The following EPB41L4A variants were observed in gnomAD, a reference collection of about 807,000 sequenced individuals.
EPB41L4A encodes band 4.1-like protein 4A.
A neutral mutation model predicts 108.6 loss-of-function variants in EPB41L4A; 100 were observed. That is an observed-to-expected ratio of 0.92 (90% CI 0.78 to 1.09). The LOEUF is 1.09. Ranked by LOEUF, EPB41L4A falls within the 50% of genes least tolerant of loss-of-function variation. The pLI is 0.00. For missense variants in EPB41L4A, 1,030 were observed against 842.7 expected (o/e 1.22, Z -2.75); for synonymous variants, 319 against 289.0 (o/e 1.10, Z -1.05).
rs905005969 is a variant in EPB41L4A at position 112,259,127 on chromosome 5, G to T, written c.795+102C>A. 23 of 884,094 alleles carry T rather than the reference G, an allele frequency of 2.6e-5. No homozygotes were observed. In the African/African-American group the frequency reaches 3.7e-4, roughly 14 times the overall value. The allele number at this position is 884,094 out of a possible 1,614,324, so 54.8% of individuals were successfully genotyped here. ...TGAGTTAATTAACCTGGTTCCATGT[G>T]GAAGCAGCTGAAGAAAACATTTCTT... On this transcript the variant is annotated intron_variant, in intron 9 of 22. Transcript: ENST00000261486.
intron 1 of EPB41L4A, among the ~76,000 whole-genome samples, chr5:112,340,326 C>T (rs1218525020): frequency 6.6e-6 from 1 of 152,162 alleles, no homozygotes; most frequent in South Asian, 2.1e-4. Flanking sequence ...AGGCTCCACC[C>T]CCGGAGCTCC....
At chr5:112,387,544 G>A (rs547954513) in intron 1 of EPB41L4A, among the ~76,000 whole-genome samples, 2 of 152,328 alleles carry the variant, frequency 1.3e-5, no homozygotes, top group South Asian at 2.1e-4. Flanking sequence ...CAGGAGAATG[G>A]CGTCAACCTG....
In EPB41L4A at chr5:112,229,717, G is replaced by A. The variant is rs890196246; in HGVS notation, c.1087+4917C>T. 5.9e-5 allele frequency among the ~76,000 whole-genome samples: 9 copies of A among 152,068 alleles called. No homozygotes were observed. The East Asian group carries it at 7.7e-4, about 13-fold the overall frequency. ...GAGTAACGGTCTCCAGGCCAGGCAC[G>A]GTGGCTCACACCTGTAATCCCAGCA... On this transcript the variant is annotated intron_variant, in intron 12 of 22. Coordinates refer to ENST00000261486, the MANE Select transcript of EPB41L4A (RefSeq NM_022140.5).
chr5:112,331,691 T>C (rs1427772067), intron 1 of EPB41L4A, among the ~76,000 whole-genome samples: 4 of 152,156 alleles, frequency 2.6e-5, no homozygotes, highest in Admixed American at 2.6e-4. Context: ...TGACACTGTA[T>C]AAGCAGGATG....
chr5:112,397,780 C>A (rs529831988), intron 1 of EPB41L4A, among the ~76,000 whole-genome samples: 2 of 151,946 alleles, frequency 1.3e-5, no homozygotes, highest in Non-Finnish European at 1.5e-5. Context: ...ATTATTATTC[C>A]CCATTTTTTA....
chr5:112,340,331 A>G (rs1235389425), intron 1 of EPB41L4A, among the ~76,000 whole-genome samples: 1 of 152,162 alleles, frequency 6.6e-6, no homozygotes. Flanking sequence ...CCACCCCCGG[A>G]GCTCCTAATT....
At chr5:112,370,129 A>G (rs1190390465) in intron 1 of EPB41L4A, among the ~76,000 whole-genome samples, 1 of 151,784 alleles carries the variant, frequency 6.6e-6, no homozygotes, top group African/African-American at 2.4e-5. Flanking sequence ...GGCACAAGCA[A>G]TCTTCTTGTC....
chr5:112,302,401 T>G (rs1220148654), intron 2 of EPB41L4A, among the ~76,000 whole-genome samples: 1 of 152,100 alleles, frequency 6.6e-6, no homozygotes, highest in African/African-American at 2.4e-5. Flanking sequence ...AAGAGCAGAT[T>G]TGGAGGGGAA....
intron 1 of EPB41L4A, among the ~76,000 whole-genome samples, chr5:112,410,609 C>T (rs1485155680): frequency 6.6e-6 from 1 of 152,102 alleles, no homozygotes; most frequent in Non-Finnish European, 1.5e-5. Context: ...GTACCCACAA[C>T]TCTCCTCCTT....
At chr5:112,149,458 C>T (rs1005369836) in intron 12 of EPB41L4A, among the ~76,000 whole-genome samples, 11 of 152,012 alleles carry the variant, frequency 7.2e-5, no homozygotes, top group African/African-American at 1.2e-4. Flanking sequence ...GGCAACAGAC[C>T]GAGACTCCAT....
chr5:112,396,875 A>G (rs1057367644), intron 1 of EPB41L4A, among the ~76,000 whole-genome samples: 27 of 152,244 alleles, frequency 1.8e-4, no homozygotes, highest in Non-Finnish European at 7.3e-5. Context: ...ATGTATGGGT[A>G]TACTTTTAAG....
chr5:112,258,961 A>G (rs960027638), intron 9 of EPB41L4A, among the ~76,000 whole-genome samples: 4 of 152,178 alleles, frequency 2.6e-5, no homozygotes, highest in African/African-American at 7.2e-5. Flanking sequence ...AATTGCACTA[A>G]CAACAATGAT....
At chr5:112,145,524 T>C (rs1759219233) in intron 13 of EPB41L4A, among the ~76,000 whole-genome samples, 1 of 152,226 alleles carries the variant, frequency 6.6e-6, no homozygotes, top group African/African-American at 2.4e-5. Context: ...CTATCTTCAC[T>C]GCCAACTACA....
rs1161979975 is a variant in EPB41L4A at position 112,234,616 on chromosome 5, A to C, written c.1087+18T>G. 6.2e-7 allele frequency: 1 copy of C among 1,610,868 alleles called. No individual in the cohort carries two copies. Among genetic ancestry groups the C allele is most frequent in the African/African-American group, 1.3e-5 (1 of 75,000 alleles). Reference sequence around the variant, plus strand: ...GAAAACAAGGTTACATAGATAACTCAGGGGAACCATGACTTACCAGCTGGC... The same window carrying C: ...GAAAACAAGGTTACATAGATAACTCCGGGGAACCATGACTTACCAGCTGGC... On this transcript the variant is annotated intron_variant, in intron 12 of 22. Coordinates refer to ENST00000261486, the MANE Select transcript of EPB41L4A (RefSeq NM_022140.5).
At position 112,259,971 on chromosome 5, in the gene EPB41L4A, G is replaced by A; in HGVS notation, c.651C>T (p.Asn217=). 6.2e-7 allele frequency: 1 copy of A among 1,613,436 alleles called. No individual in the cohort carries two copies. Among genetic ancestry groups the A allele is most frequent in the Non-Finnish European group, 8.5e-7 (1 of 1,179,456 alleles). ...TTAATCCTAAGAAATACTCAGACTT[G>A]TTTTCTCCCTGCAAAAACAAACATA... ...GVDLHPVYGE[N]KSEYFLGLTP... The change falls in exon 8 of 23, where the codon AAC becomes AAT. Residue 217 remains asparagine (N), a synonymous_variant. Transcript: ENST00000261486.
intron 1 of EPB41L4A, among the ~76,000 whole-genome samples, chr5:112,328,606 C>T (rs1336491541): frequency 6.6e-6 from 1 of 152,198 alleles, no homozygotes; most frequent in Admixed American, 6.5e-5. Flanking sequence ...GCTCACTCTT[C>T]ATCAAGCTCA....
chr5:112,398,414 A>G (rs1014534722), intron 1 of EPB41L4A, among the ~76,000 whole-genome samples: 9 of 152,112 alleles, frequency 5.9e-5, no homozygotes, highest in Admixed American at 1.3e-4. Flanking sequence ...TCTTTGAGAC[A>G]GTCTCACTCT....
Position 112,346,216 on chromosome 5 carries a change from A to ATTTTTTTTTTTTTTTT in EPB41L4A, c.100-38742_100-38727dup, listed in dbSNP as rs561328868. Among the ~76,000 whole-genome samples the ATTTTTTTTTTTTTTTT allele has an allele frequency of 2.8e-3, 188 of 67,340 alleles. 51 individuals are homozygous for ATTTTTTTTTTTTTTTT. Among genetic ancestry groups the ATTTTTTTTTTTTTTTT allele is most frequent in the Middle Eastern group, 0.02 (1 of 50 alleles). The allele number at this position is 67,340 out of a possible 152,430, so 44.2% of individuals were successfully genotyped here. A position where few individuals can be genotyped will look rare whatever the true frequency, so the allele number is the denominator to read the frequency against. ...AATTCTTTAAAGTTAGGTACATTGC[A>ATTTTTTTTTTTTTTTT]TTTTTTTTTTTTTTTTTTTTTTTTT... On this transcript the variant is annotated intron_variant, in intron 1 of 22. Transcript: ENST00000261486.
At chr5:112,246,064 A>G (rs556312217) in intron 9 of EPB41L4A, among the ~76,000 whole-genome samples, 1 of 152,342 alleles carries the variant, frequency 6.6e-6, no homozygotes, top group African/African-American at 2.4e-5. Flanking sequence ...GCAGCAAAAG[A>G]AACTGGTGGC....
Sources: allele counts gnomAD v4.1 joint callset (sites outside exome capture counted in the v4.1 genomes callset), GRCh38; gene constraint gnomAD v4.1.1; transcripts MANE v1.5; gene names NCBI Gene and HGNC (gene_info 2026-07-23, HGNC 2026-07-21).